Variants in EPS8 observed in about 807,000 individuals in gnomAD.
EPS8 encodes epidermal growth factor receptor kinase substrate 8.
EPS8 carries 42 observed loss-of-function variants against 103.8 expected under a neutral mutation model. The observed-to-expected ratio is 0.40, with a 90% CI of 0.32 to 0.52. The LOEUF is 0.52. Among genes scored for constraint, EPS8 ranks in the 20% least tolerant of loss-of-function variants. EPS8 has a pLI of 0.40. For missense variants in EPS8, 969 were observed against 1,005.1 expected (o/e 0.96, Z 0.49); for synonymous variants, 344 against 344.6 (o/e 1.00, Z 0.02).
At position 15,653,213 on chromosome 12, in the gene EPS8, T is replaced by A. The variant is rs997380654; in HGVS notation, c.1250+932A>T. On this transcript the variant is annotated intron_variant, in intron 13 of 20. Coordinates refer to ENST00000281172, the MANE Select transcript of EPS8 (RefSeq NM_004447.6). ...TACGATATTAGCATCTCAAAAGGCC[T>A]CTGCCTCCAGTTACTTTTGTCCTTG... Among the ~76,000 whole-genome samples the A allele has an allele frequency of 4.6e-5, 7 of 152,340 alleles. No homozygotes were observed. The South Asian group carries it at 1.5e-3, about 32-fold the overall frequency.
chr12:15,676,037 C>T (rs751913370), intron 3 of EPS8, among the ~76,000 whole-genome samples: 26 of 152,056 alleles, frequency 1.7e-4, no homozygotes, highest in Non-Finnish European at 3.4e-4. Context: ...CTTTGGGAGA[C>T]GGAGGCGGGC....
chr12:15,714,992 AC>A lies in EPS8; in HGVS notation c.-21-32021del. Among the ~76,000 whole-genome samples the A allele has an allele frequency of 6.6e-6, 1 of 152,054 alleles. No individual in the cohort carries two copies. Among genetic ancestry groups the A allele is most frequent in the East Asian group, 1.9e-4 (1 of 5,154 alleles). ...TGGGCCATTCCTTCCCATCTCCAGC[AC>A]CCCTGCAAAAAAGATTGAATGGAAA... On this transcript the variant is annotated intron_variant, in intron 1 of 20. Transcript: ENST00000281172. The surrounding 1 kb of genome is among the most constrained non-coding windows in gnomAD (Gnocchi z 4.1).
chr12:15,716,922 G>C lies in EPS8; in HGVS notation c.-21-33950C>G, dbSNP rs1303605178. On this transcript the variant is annotated intron_variant, in intron 1 of 20. Coordinates refer to ENST00000281172, the MANE Select transcript of EPS8 (RefSeq NM_004447.6). The surrounding 1 kb of genome is among the most constrained non-coding windows in gnomAD (Gnocchi z 5.0). ...CTTCTTCTTATAAGATCCACTATCT[G>C]CTTTGTCTTCTCTAAACCAATCCTT... 1.3e-5 allele frequency among the ~76,000 whole-genome samples: 2 copies of C among 152,136 alleles called. No homozygotes were observed. The highest frequency in any genetic ancestry group is 2.9e-5 in the Non-Finnish European group (2 of 68,032).
intron 8 of EPS8, chr12:15,664,902 T>C (rs1945681113): frequency 6.6e-6 from 1 of 152,210 alleles, no homozygotes. Context: ...TAGTAAAATA[T>C]TCTAACATAT....
chr12:15,678,412 T>A (rs763296202), intron 3 of EPS8, among the ~76,000 whole-genome samples: 11 of 152,166 alleles, frequency 7.2e-5, no homozygotes, highest in Non-Finnish European at 1.3e-4. Context: ...CTAAGCCCAA[T>A]CCATTGCTAA....
intron 6 of EPS8, 64 bp downstream of exon 6, chr12:15,669,323 G>A (rs1792529856): frequency 4.9e-6 from 7 of 1,436,566 alleles, no homozygotes; most frequent in African/African-American, 1.4e-5. Flanking sequence ...TATCAAAATA[G>A]GTAATTCAAA....
intron 1 of EPS8, among the ~76,000 whole-genome samples, chr12:15,754,747 T>C (rs1946968576): frequency 6.6e-6 from 1 of 152,198 alleles, no homozygotes; most frequent in Non-Finnish European, 1.5e-5. Context: ...AACAAAAAAG[T>C]CTCTACCATA....
At chr12:15,788,986 G>T (rs1363640835) in intron 1 of EPS8, among the ~76,000 whole-genome samples, 175 bp downstream of exon 1, 1 of 152,150 alleles carries the variant, frequency 6.6e-6, no homozygotes, top group African/African-American at 2.4e-5. Context: ...GCCTCCGGCC[G>T]CAGCGCCCTA....
intron 1 of EPS8, among the ~76,000 whole-genome samples, chr12:15,715,342 G>A (rs151204533): frequency 1.7e-3 from 253 of 147,834 alleles, no homozygotes; most frequent in African/African-American, 6.0e-3. Context: ...CCTTCCCTTC[G>A]TCCACAGGGG....
At position 15,665,808 on chromosome 12, in the gene EPS8, A is replaced by T; in HGVS notation, c.684T>A (p.Asp228Glu). The change falls in exon 8 of 21, where the codon GAT becomes GAA. Residue 228 changes from aspartate (D) to glutamate (E), a missense_variant. By Grantham distance (45) the Asp-to-Glu change is conservative. Transcript: ENST00000281172. ...ACCAGGCTGCCACTCGACTTCTAAC[A>T]TCCACCTGGGTGACGGTCCCAGGGG... The part of the protein sequence containing the change: ...PAPPGTVTQV[D>E]VRSRVAAWSA... 1 of 1,613,770 alleles carries T rather than the reference A, an allele frequency of 6.2e-7. No individual in the cohort carries two copies. The highest frequency in any genetic ancestry group is 8.5e-7 in the Non-Finnish European group (1 of 1,179,902).
rs1694460253 is a variant in EPS8 at position 15,713,696 on chromosome 12, G to GT, written c.-21-30725dup. 6.6e-6 allele frequency among the ~76,000 whole-genome samples: 1 copy of GT among 152,174 alleles called. No homozygotes were observed. The highest frequency in any genetic ancestry group is 1.5e-5 in the Non-Finnish European group (1 of 68,036). ...CCTGGGCACACGAGGTATAAAGTTG[G>GT]TACTGAGATTCTTCCAGAAAACCAG... On this transcript the variant is annotated intron_variant, in intron 1 of 20. Transcript: ENST00000281172. This position sits in a 1 kb window ranked among gnomAD's most constrained non-coding sequence, Gnocchi z 4.8.
chr12:15,768,429 CAAAAAAAAAAAAA>C (rs71042268), intron 1 of EPS8, among the ~76,000 whole-genome samples: 6 of 24,858 alleles, frequency 2.4e-4, no homozygotes, highest in Admixed American at 1.3e-3. Context: ...GACTCCATCT[CAAAAAAAAAAAAA>C]AAAAAAAAAA....
At chr12:15,653,045 A>T (rs140941283) in intron 13 of EPS8, among the ~76,000 whole-genome samples, 443 of 152,362 alleles carry the variant, frequency 2.9e-3, no homozygotes, top group Middle Eastern at 0.014. Context: ...CTCAGCAAGC[A>T]TTAGTACTAC....
At chr12:15,666,399 A>T in intron 7 of EPS8, 41 bp downstream of exon 7, 2 of 1,476,354 alleles carry the variant, frequency 1.4e-6, no homozygotes, top group Non-Finnish European at 1.9e-6. Context: ...AGCCTTAGAA[A>T]CAAATCAATT....
intron 1 of EPS8, among the ~76,000 whole-genome samples, chr12:15,742,541 C>A (rs1305316148): frequency 6.6e-6 from 1 of 152,186 alleles, no homozygotes; most frequent in East Asian, 1.9e-4. Flanking sequence ...AATCCAGCAG[C>A]ACATCAAAAA....
At chr12:15,682,668 T>C (rs1946027886) in intron 2 of EPS8, among the ~76,000 whole-genome samples, 1 of 152,240 alleles carries the variant, frequency 6.6e-6, no homozygotes, top group Admixed American at 6.5e-5. Context: ...CTTCCAAGTG[T>C]GAGATCAATA....
chr12:15,770,288 C>CAAAAA (rs367721789), intron 1 of EPS8, among the ~76,000 whole-genome samples: 2 of 119,664 alleles, frequency 1.7e-5, no homozygotes, highest in Admixed American at 9.5e-5. Flanking sequence ...GACCCTGTCT[C>CAAAAA]AAAAAAAAAA....
rs71459188 is a variant in EPS8 at position 15,631,607 on chromosome 12, G to A, written c.1879C>T (p.Pro627Ser). ...ACAGGAACAGGAGCTGGTGTTGGAG[G>A]AGGTGATGGAGCAGGGGGAGTATCA... is the stretch of plus-strand genomic sequence containing the variant. ...PADTPPAPSP[P>S]PTPAPVPVPL... The change falls in exon 18 of 21, where the codon CCT (proline) becomes TCT (serine). Residue 627 changes from proline (P) to serine (S), a missense_variant. Physicochemically the swap from Pro to Ser is moderately conservative, Grantham distance 74 (BLOSUM62 -1). Coordinates refer to ENST00000281172, the MANE Select transcript of EPS8 (RefSeq NM_004447.6). 1 of 1,614,078 alleles carries A rather than the reference G, an allele frequency of 6.2e-7. No individual in the cohort carries two copies. Among genetic ancestry groups the A allele is most frequent in the African/African-American group, 1.3e-5 (1 of 75,012 alleles).
rs780889386 is a variant in EPS8 at position 15,682,917 on chromosome 12, A to G, written c.35T>C (p.Phe12Ser). ...NGHISNHPSS[F>S]GMYPSQMNGY... is the part of the protein sequence containing the mutation. ...CTTCATCTGAGATGGGTACATTCCA[A>G]AACTACTGGGATGATTAGAAATATG... The change falls in exon 2 of 21, where the codon TTT becomes TCT. Residue 12 changes from phenylalanine to serine, a missense_variant. Transcript: ENST00000281172. 1 of 1,584,832 alleles carries G rather than the reference A, an allele frequency of 6.3e-7. No individual in the cohort carries two copies. The highest frequency in any genetic ancestry group is 1.4e-5 in the African/African-American group (1 of 73,902).
Sources: allele counts gnomAD v4.1 joint callset (sites outside exome capture counted in the v4.1 genomes callset), GRCh38; gene constraint gnomAD v4.1.1; non-coding constraint Gnocchi (gnomAD v3.1); transcripts MANE v1.5; gene names NCBI Gene and HGNC (gene_info 2026-07-23, HGNC 2026-07-21).